KLF8: variants seen among roughly 807,000 people sequenced by gnomAD.
The protein encoded by KLF8 is KLF transcription factor 8.
In KLF8, 10 loss-of-function variants were observed where a neutral mutation model predicts 18.2. The ratio of observed to expected loss-of-function variants is 0.55; its 90% CI spans 0.34 to 0.93. The LOEUF (loss-of-function observed/expected upper bound fraction) is 0.93, where lower values mean the gene tolerates loss of function less well. Ranked by LOEUF, KLF8 falls within the 40% of genes least tolerant of loss-of-function variation. The pLI, the probability that KLF8 is intolerant of heterozygous loss-of-function variation, is 0.02. For synonymous variants in KLF8, 109 were observed against 97.3 expected (o/e 1.12, Z -0.71); for missense variants, 264 against 277.9 (o/e 0.95, Z 0.36).
the KLF8 span, among the ~76,000 whole-genome samples, chrX:56,178,303 T>A: frequency 9.8e-5 from 11 of 112,803 alleles, no homozygotes; most frequent in Non-Finnish European, 2.1e-4. Flanking sequence ...TGTCTGTTGA[T>A]ATCCTTCACC....
At chrX:56,203,638 G>A in the KLF8 span, among the ~76,000 whole-genome samples, 8 of 112,025 alleles carry the variant, frequency 7.1e-5, no homozygotes, top group Non-Finnish European at 1.5e-4. Context: ...TCATTCTTTT[G>A]CATATGGATA....
chrX:56,155,648 A>G, the KLF8 span, among the ~76,000 whole-genome samples: 2 of 111,733 alleles, frequency 1.8e-5, no homozygotes, highest in Admixed American at 9.6e-5. Context: ...CTTAGAAAAC[A>G]TAGTATCTTT....
At chrX:56,005,669 A>C in the KLF8 span, among the ~76,000 whole-genome samples, 4 of 112,601 alleles carry the variant, frequency 3.6e-5, no homozygotes, top group Admixed American at 2.8e-4. Flanking sequence ...GAGTGTGCTC[A>C]CACCTGCAGG....
chrX:56,234,793 A>G (rs778370644), intron 1 of KLF8, among the ~76,000 whole-genome samples: 36 of 112,529 alleles, frequency 3.2e-4, no homozygotes, highest in Non-Finnish European at 6.2e-4. Flanking sequence ...AGCCCTTGAG[A>G]GTTGTTGACC....
chrX:55,976,141 C>T, the KLF8 span, among the ~76,000 whole-genome samples: 6 of 112,061 alleles, frequency 5.4e-5, 1 homozygote, highest in South Asian at 2.2e-3. Flanking sequence ...TTCATATTTT[C>T]ATATATCTAT....
the KLF8 span, among the ~76,000 whole-genome samples, chrX:56,173,235 C>A: frequency 3.6e-5 from 4 of 111,888 alleles, no homozygotes; most frequent in Admixed American, 9.5e-5. Flanking sequence ...GGTTTTGGGT[C>A]TAACATTTAA....
Position 56,270,379 on chromosome X carries a change from C to G in KLF8, c.898+58C>G, listed in dbSNP as rs1188576543. ...ACACACACACACACACACACACACA[C>G]ACGAGAGAGAGAGAGAGAGAGGGGC... On this transcript the variant is annotated intron_variant, in intron 5 of 5. Transcript: ENST00000468660. The G allele has an allele frequency of 8.5e-6, 8 of 942,875 alleles. No individual in the cohort carries two copies. In the African/African-American group the frequency reaches 4.0e-4, roughly 47 times the overall value. The allele number at this position is 942,875 out of a possible 1,213,427, so 77.7% of individuals were successfully genotyped here.
At chrX:55,946,465 C>T in the KLF8 span, among the ~76,000 whole-genome samples, 2 of 111,828 alleles carry the variant, frequency 1.8e-5, no homozygotes, top group Admixed American at 9.5e-5. Flanking sequence ...CCCTTCCTTA[C>T]ACCTTATACA....
At chrX:56,134,808 A>AAAAG in the KLF8 span, among the ~76,000 whole-genome samples, 1 of 110,849 alleles carries the variant, frequency 9.0e-6, no homozygotes, top group African/African-American at 3.3e-5. Flanking sequence ...TTAGCAGGAA[A>AAAAG]AAAGAAAGAA....
chrX:56,089,368 G>A, the KLF8 span, among the ~76,000 whole-genome samples: 1 of 111,983 alleles, frequency 8.9e-6, no homozygotes, highest in Non-Finnish European at 1.9e-5. Context: ...GTACATGGCA[G>A]TTTATAGTCG....
intron 1 of KLF8, 67 bp from the exon 2 acceptor site, chrX:56,250,164 G>T (rs2066685316): frequency 1.4e-6 from 1 of 719,711 alleles, no homozygotes; most frequent in African/African-American, 2.1e-5. Flanking sequence ...AACATTAATG[G>T]CATATTTATG....
chrX:56,250,439 T>G, intron 2 of KLF8, 135 bp downstream of exon 2: 1 of 498,233 alleles, frequency 2.0e-6, no homozygotes, highest in East Asian at 3.6e-5. Flanking sequence ...GGAAGACATA[T>G]TTCTAGAAAG....
the KLF8 span, among the ~76,000 whole-genome samples, chrX:56,211,533 T>C: frequency 8.9e-6 from 1 of 112,189 alleles, no homozygotes; most frequent in Non-Finnish European, 1.9e-5. Flanking sequence ...ACTCCGTGGC[T>C]ACTGTCTAAG....
the KLF8 span, among the ~76,000 whole-genome samples, chrX:56,189,848 CA>C: frequency 1.3e-5 from 1 of 75,713 alleles, no homozygotes; most frequent in East Asian, 4.4e-4. Flanking sequence ...GGAAGGGGAA[CA>C]TCACACTCTG....
chrX:56,223,074 C>A, the KLF8 span, among the ~76,000 whole-genome samples: 99 of 113,241 alleles, frequency 8.7e-4, no homozygotes, highest in African/African-American at 2.7e-3. Flanking sequence ...GCGCCAAGAG[C>A]GAGCCAGGGC....
chrX:55,967,397 T>C, the KLF8 span, among the ~76,000 whole-genome samples: 1 of 109,020 alleles, frequency 9.2e-6, no homozygotes, highest in Non-Finnish European at 1.9e-5. Context: ...ACAGTAAAGC[T>C]CCAATACCTC....
the KLF8 span, among the ~76,000 whole-genome samples, chrX:55,977,764 T>C: frequency 2.5e-4 from 28 of 111,617 alleles, no homozygotes; most frequent in African/African-American, 8.5e-4. Flanking sequence ...ATTTATGTTT[T>C]AAGATCACTT....
At chrX:55,953,193 G>A in the KLF8 span, among the ~76,000 whole-genome samples, 4 of 111,391 alleles carry the variant, frequency 3.6e-5, no homozygotes, top group Non-Finnish European at 7.5e-5. Flanking sequence ...ACATTCTCGA[G>A]GAGTATATAG....
the KLF8 span, among the ~76,000 whole-genome samples, chrX:56,167,639 A>ATT: frequency 8.9e-6 from 1 of 112,019 alleles, no homozygotes; most frequent in Non-Finnish European, 1.9e-5. Context: ...GAATTACATG[A>ATT]TTGTTGCAGT....
Sources: gnomAD v4.1 joint callset for allele counts (sites outside exome capture counted in the v4.1 genomes callset) on GRCh38, gnomAD v4.1.1 for gene constraint, MANE v1.5 for transcripts, NCBI Gene and HGNC (gene_info 2026-07-23, HGNC 2026-07-21) for gene names.